Variants in SPRY3 observed in about 807,000 individuals in gnomAD.
SPRY3 encodes the protein protein sprouty homolog 3.
Under a neutral mutation model 20.2 loss-of-function variants are expected in SPRY3, and 15 were observed. That is an observed-to-expected ratio of 0.74 (90% CI 0.50 to 1.14). The LOEUF (loss-of-function observed/expected upper bound fraction) is 1.14. Among genes scored for constraint, SPRY3 ranks in the 50% most tolerant of loss-of-function variants. The pLI, the probability that SPRY3 is intolerant of heterozygous loss-of-function variation, is 0.00. For missense variants in SPRY3, 364 were observed against 363.9 expected, an observed-to-expected ratio of 1.00 and a Z score of 0.00; for synonymous variants, 143 against 136.5, an observed-to-expected ratio of 1.05 and a Z score of -0.33.
chrX:155,677,168 A>G (rs2068060934), intron 2 of SPRY3, among the ~76,000 whole-genome samples: 1 of 112,208 alleles, frequency 8.9e-6, no homozygotes, highest in South Asian at 3.7e-4. Flanking sequence ...GTTATCAGTA[A>G]CATCAATTTA....
intron 2 of SPRY3, among the ~76,000 whole-genome samples, chrX:155,680,777 G>A (rs1260255245): frequency 9.0e-6 from 1 of 111,564 alleles, no homozygotes; most frequent in Non-Finnish European, 1.9e-5. Flanking sequence ...AACAGCATGT[G>A]CTCACTTCAT....
At chrX:155,743,219 G>C (rs2091211587) in intron 2 of SPRY3, among the ~76,000 whole-genome samples, 1 of 152,114 alleles carries the variant, frequency 6.6e-6, no homozygotes, top group Non-Finnish European at 1.5e-5. Flanking sequence ...AAATCTAGAA[G>C]AAATGGATAA....
chrX:155,775,290 T>G (rs2091417237), exon 4 of SPRY3: 3 of 169,144 alleles, frequency 1.8e-5, no homozygotes, highest in African/African-American at 7.2e-5. Flanking sequence ...CCCTGTCTGC[T>G]TTTACTTTTT....
At chrX:155,698,041 T>C (rs1220329529) in intron 2 of SPRY3, among the ~76,000 whole-genome samples, 1 of 111,059 alleles carries the variant, frequency 9.0e-6, no homozygotes, top group East Asian at 2.8e-4. Context: ...AGCCTGACAA[T>C]GTCACAATTT....
intron 2 of SPRY3, among the ~76,000 whole-genome samples, chrX:155,750,738 T>C (rs910912722): frequency 2.8e-4 from 42 of 151,720 alleles, no homozygotes; most frequent in African/African-American, 1.0e-3. Flanking sequence ...AGAGAGCAGA[T>C]GGTATAAAAT....
At chrX:155,707,525 A>G (rs1489410153) in intron 2 of SPRY3, among the ~76,000 whole-genome samples, 1 of 151,154 alleles carries the variant, frequency 6.6e-6, no homozygotes, top group Non-Finnish European at 1.5e-5. Context: ...ATCTTTACTA[A>G]TATCTATTTG....
At chrX:155,648,825 A>T (rs782219251) in intron 1 of SPRY3, among the ~76,000 whole-genome samples, 1 of 111,655 alleles carries the variant, frequency 9.0e-6, no homozygotes, top group Non-Finnish European at 1.9e-5. Context: ...AAAATCAGTG[A>T]ATCCAGGCGC....
At chrX:155,697,064 G>A (rs1301662699) in intron 2 of SPRY3, among the ~76,000 whole-genome samples, 7 of 111,234 alleles carry the variant, frequency 6.3e-5, no homozygotes, top group Non-Finnish European at 1.3e-4. Context: ...GTACCCCTGT[G>A]ATGGTTAATT....
chrX:155,662,437 T>A (rs1557353797), intron 2 of SPRY3, among the ~76,000 whole-genome samples: 1 of 110,702 alleles, frequency 9.0e-6, no homozygotes, highest in Non-Finnish European at 1.9e-5. Flanking sequence ...CTTGGAGGTC[T>A]CAGGAAGCTT....
chrX:155,775,433 G>C (rs1386318257), exon 4 of SPRY3: 4 of 166,982 alleles, frequency 2.4e-5, no homozygotes, highest in Non-Finnish European at 4.4e-5. Flanking sequence ...ATGTCCAAAA[G>C]TGCTGTTTTT....
At position 155,768,232 on chromosome X, in the gene SPRY3, T is replaced by C. The variant is rs1569400632; in HGVS notation, c.-107+96T>C. 3 of 21,656 alleles carry C rather than the reference T, an allele frequency of 1.4e-4. No individual in the cohort carries two copies. In the South Asian group the frequency reaches 0.015, roughly 106 times the overall value. 1.3% of individuals were successfully genotyped at this position (21,656 alleles called of 1,614,324 possible). ...CCAGCCATCCTGTGCTGTCTCTGTG[T>C]GCGTGTGTGTGCCGCGCGCTTGGGC... On this transcript the variant is annotated intron_variant, in intron 3 of 3. Coordinates refer to ENST00000675360, the Ensembl canonical transcript of SPRY3.
chrX:155,775,593 G>A (rs918701555), exon 4 of SPRY3: 2 of 167,084 alleles, frequency 1.2e-5, no homozygotes, highest in African/African-American at 4.8e-5. Context: ...TCACCTGTTC[G>A]TGAGCGCATG....
intron 2 of SPRY3, among the ~76,000 whole-genome samples, chrX:155,751,968 TAAAATA>T (rs1188130687): frequency 7.9e-5 from 7 of 88,298 alleles, no homozygotes; most frequent in African/African-American, 3.7e-4. Context: ...TAAAATAAAA[TAAAATA>T]AAATAAAATA....
intron 1 of SPRY3, among the ~76,000 whole-genome samples, chrX:155,632,256 C>T (rs1290694569): frequency 3.6e-5 from 4 of 111,209 alleles, no homozygotes; most frequent in Non-Finnish European, 7.5e-5. Context: ...CGCACACACA[C>T]ACTGTATCCC....
intron 2 of SPRY3, among the ~76,000 whole-genome samples, chrX:155,707,255 T>C (rs1367615671): frequency 1.3e-5 from 2 of 151,276 alleles, no homozygotes; most frequent in Non-Finnish European, 3.0e-5. Context: ...ATGGATCGTT[T>C]GGAAGTGTAG....
chrX:155,633,227 A>G (rs1278439899), intron 1 of SPRY3, among the ~76,000 whole-genome samples: 2 of 109,148 alleles, frequency 1.8e-5, no homozygotes, highest in African/African-American at 6.7e-5. Flanking sequence ...CCTCAAACCC[A>G]GTTCTAAAAC....
chrX:155,780,010 T>A (rs1218037779), downstream of SPRY3: 3 of 166,982 alleles, frequency 1.8e-5, no homozygotes, highest in Non-Finnish European at 4.4e-5. Flanking sequence ...GTGTTGCTGC[T>A]GTTAAAGGCC....
chrX:155,676,920 A>C (rs1557355269), intron 2 of SPRY3, among the ~76,000 whole-genome samples: 2 of 111,751 alleles, frequency 1.8e-5, no homozygotes, highest in African/African-American at 6.5e-5. Flanking sequence ...CAAACCATAG[A>C]ATTCATGCTT....
intron 2 of SPRY3, among the ~76,000 whole-genome samples, chrX:155,680,145 G>GATGT (rs1457305757): frequency 4.3e-5 from 3 of 70,406 alleles, no homozygotes; most frequent in Admixed American, 1.7e-4. Context: ...AAGCAATGCT[G>GATGT]GTGTGTGTGT....
Sources: gnomAD v4.1 joint callset for allele counts (sites outside exome capture counted in the v4.1 genomes callset) on GRCh38, gnomAD v4.1.1 for gene constraint, MANE v1.5 for transcripts, NCBI Gene and HGNC (gene_info 2026-07-23, HGNC 2026-07-21) for gene names.